The following ITGA5 variants were observed in gnomAD, a reference collection of about 807,000 sequenced individuals.
The protein encoded by ITGA5 is integrin alpha-5.
A neutral mutation model predicts 146.3 loss-of-function variants in ITGA5; 55 were observed. The ratio of observed to expected loss-of-function variants is 0.38; its 90% CI spans 0.30 to 0.47. The LOEUF (loss-of-function observed/expected upper bound fraction) is 0.47, where lower values mean the gene tolerates loss of function less well. Ranked by LOEUF, ITGA5 falls within the 20% of genes least tolerant of loss-of-function variation. The pLI, the probability that ITGA5 is intolerant of heterozygous loss-of-function variation, is 0.99. For missense variants in ITGA5, 1,131 were observed against 1,329.0 expected (o/e 0.85, Z 2.32); for synonymous variants, 500 against 531.8 (o/e 0.94, Z 0.82).
rs770030872 is a variant in ITGA5, at chr12:54,403,659, C to T, written c.1742G>A (p.Arg581Gln). Residue 581 changes from arginine to glutamine, a missense_variant, in exon 17 of 30, where the codon CGA becomes CAA. This residue lies in a region of ITGA5 where 889 missense variants were observed against 1,021.5 expected (regional missense o/e 0.87). Transcript: ENST00000293379. The surrounding 1 kb of genome is among the most constrained non-coding windows in gnomAD (Gnocchi z 4.9). ...TQTLLIQNGAREDCREMKIYL... is the reference protein window; with the variant it reads ...TQTLLIQNGAQEDCREMKIYL... ...GATCTTCATCTCTCTGCAATCCTCT[C>T]GAGCCCCATTCTGGATGAGCAGGGT... is the stretch of plus-strand genomic sequence containing the variant. 35 of 1,613,992 alleles carry T rather than the reference C, an allele frequency of 2.2e-5. 1 individual carries two copies. Among genetic ancestry groups the T allele is most frequent in the African/African-American group, 4.0e-5 (3 of 74,922 alleles).
At chr12:54,412,892 C>T (rs777411336) in intron 1 of ITGA5, among the ~76,000 whole-genome samples, 4 of 152,182 alleles carry the variant, frequency 2.6e-5, no homozygotes, top group Non-Finnish European at 5.9e-5. Flanking sequence ...TATCTGGCAG[C>T]CTGGGCAACT....
At position 54,419,091 on chromosome 12, in the gene ITGA5, T is replaced by TGGC. The variant is rs764642372; in HGVS notation, c.105_107dup (p.Pro37dup). 6.3e-7 allele frequency: 1 copy of TGGC among 1,587,862 alleles called. No homozygotes were observed. The highest frequency in any genetic ancestry group is 1.4e-5 in the African/African-American group (1 of 73,680). On this transcript the variant is annotated inframe_insertion, in exon 1 of 30. Coordinates refer to ENST00000293379, the MANE Select transcript of ITGA5 (RefSeq NM_002205.5). ...CTAAGTTGAAGCCCCCGACCCTGGGTGGCGGCGGCAGCAGCAGCAACAGCA... is the reference window on the plus strand; with the variant it reads ...CTAAGTTGAAGCCCCCGACCCTGGGTGGCGGCGGCGGCAGCAGCAGCAACAGCA...
chr12:54,398,800 G>A, intron 27 of ITGA5, 102 bp from the exon 28 acceptor site: 1 of 631,338 alleles, frequency 1.6e-6, no homozygotes, highest in Non-Finnish European at 2.6e-6. Context: ...CCTATTTTGG[G>A]CTCATTCTTC....
chr12:54,418,883 C>A, intron 1 of ITGA5, 98 bp downstream of exon 1: 1 of 1,401,738 alleles, frequency 7.1e-7, no homozygotes, highest in Non-Finnish European at 9.7e-7. Flanking sequence ...AAACTCCACC[C>A]TCAAACTTAA....
rs1955816236 is a variant in ITGA5, at chr12:54,403,389, A to G, written c.1777-65T>C. 4.8e-6 allele frequency: 7 copies of G among 1,471,078 alleles called. No homozygotes were observed. In the South Asian group the frequency reaches 1.0e-4, roughly 21 times the overall value. 91.1% of individuals were successfully genotyped at this position (1,471,078 alleles called of 1,614,324 possible). A position where few individuals can be genotyped will look rare whatever the true frequency, so the allele number is the denominator to read the frequency against. On this transcript the variant is annotated intron_variant, in intron 17 of 29. Transcript: ENST00000293379. The surrounding 1 kb of genome is among the most constrained non-coding windows in gnomAD (Gnocchi z 4.9). ...TGGAGACTTAGTGGCCCTGCTCCTC[A>G]GCCTCTCTCATCTCCCTTTGTCTGC...
At chr12:54,418,709 C>G (rs998921241) in intron 1 of ITGA5, among the ~76,000 whole-genome samples, 4 of 151,778 alleles carry the variant, frequency 2.6e-5, no homozygotes, top group Non-Finnish European at 5.9e-5. Context: ...GCCCGGAGAC[C>G]CCTGCCCAGA....
Position 54,404,239 on chromosome 12 carries a change from G to C in ITGA5, c.1471C>G (p.Pro491Ala), listed in dbSNP as rs377096524. The change falls in exon 15 of 30, where the codon CCC becomes GCC. Residue 491 changes from proline to alanine, a missense_variant. By Grantham distance (27) the Pro-to-Ala change is conservative. Transcript: ENST00000293379. ...AGGGAGGCACTAGCGGACACGATGGGGCGGCCCCTGCCAAGAGTGAATGTG... is the reference window on the plus strand; with the variant it reads ...AGGGAGGCACTAGCGGACACGATGGCGCGGCCCCTGCCAAGAGTGAATGTG... ...VDKAVVYRGR[P>A]IVSASASLTI... 1 of 1,600,104 alleles carries C rather than the reference G, an allele frequency of 6.2e-7. No homozygotes were observed. The highest frequency in any genetic ancestry group is 8.5e-7 in the Non-Finnish European group (1 of 1,173,066).
At chr12:54,418,944 C>T in intron 1 of ITGA5, 37 bp downstream of exon 1, 3 of 1,607,272 alleles carry the variant, frequency 1.9e-6, no homozygotes, top group Non-Finnish European at 2.5e-6. Flanking sequence ...CAGGCGGCTC[C>T]CCCACCCCCA....
chr12:54,411,811 C>T (rs1282950254), intron 2 of ITGA5, 23 bp downstream of exon 2: 3 of 1,483,080 alleles, frequency 2.0e-6, no homozygotes, highest in African/African-American at 2.9e-5. Context: ...CCCCCAGTCC[C>T]TCCCTGAATT....
At chr12:54,406,801 A>G (rs2120523296) in intron 9 of ITGA5, among the ~76,000 whole-genome samples, 1 of 152,288 alleles carries the variant, frequency 6.6e-6, no homozygotes, top group African/African-American at 2.4e-5. Context: ...CTTTTTAAAA[A>G]TTTAAAATTT....
rs1592290576 is a variant in ITGA5, at chr12:54,409,025, G to A, written c.584-71C>T. On this transcript the variant is annotated intron_variant, in intron 4 of 29. Transcript: ENST00000293379. This position sits in a 1 kb window ranked among gnomAD's most constrained non-coding sequence, Gnocchi z 4.7. Reference sequence around the variant, plus strand: ...CATCCAGGAAAGAAGAGAGGGCATAGGGAAGGAGGTGGGAGAGAGAACCAG... The same window carrying A: ...CATCCAGGAAAGAAGAGAGGGCATAAGGAAGGAGGTGGGAGAGAGAACCAG... 2 of 1,510,032 alleles carry A rather than the reference G, an allele frequency of 1.3e-6. No homozygotes were observed. Among genetic ancestry groups the A allele is most frequent in the Non-Finnish European group, 1.8e-6 (2 of 1,089,598 alleles). The allele number at this position is 1,510,032 out of a possible 1,614,324, so 93.5% of individuals were successfully genotyped here.
chr12:54,418,843 A>G lies in ITGA5; in HGVS notation c.218+138T>C, dbSNP rs542577533. 547 of 946,616 alleles carry G rather than the reference A, an allele frequency of 5.8e-4. 1 individual carries two copies. Among genetic ancestry groups the G allele is most frequent in the Non-Finnish European group, 8.0e-4 (521 of 648,358 alleles). The allele number at this position is 946,616 out of a possible 1,614,324, so 58.6% of individuals were successfully genotyped here. A position where few individuals can be genotyped will look rare whatever the true frequency, so the allele number is the denominator to read the frequency against. On this transcript the variant is annotated intron_variant, in intron 1 of 29. Coordinates refer to ENST00000293379, the MANE Select transcript of ITGA5 (RefSeq NM_002205.5). ...CCAGCGCGGGCCCCCAACTCTAGCC[A>G]GGGCCCCCAACTGCAGCTCTATTCC...
In ITGA5 at chr12:54,409,717, C is replaced by T. The variant is rs1027336944; in HGVS notation, c.350-120G>A. 1.3e-5 allele frequency: 8 copies of T among 629,408 alleles called. No homozygotes were observed. Among genetic ancestry groups the T allele is most frequent in the Middle Eastern group, 4.2e-4 (1 of 2,388 alleles). The allele number at this position is 629,408 out of a possible 1,614,324, so 39.0% of individuals were successfully genotyped here. A position where few individuals can be genotyped will look rare whatever the true frequency, so the allele number is the denominator to read the frequency against. ...TTCCAAGCCCTGAGACTCCATGACT[C>T]GCTGGGAGTGTGGAATTGGTAAGGA... On this transcript the variant is annotated intron_variant, in intron 2 of 29. Coordinates refer to ENST00000293379, the MANE Select transcript of ITGA5 (RefSeq NM_002205.5). This position sits in a 1 kb window ranked among gnomAD's most constrained non-coding sequence, Gnocchi z 4.7.
chr12:54,401,207 TCTC>T lies in ITGA5; in HGVS notation c.2493+163_2493+165del, dbSNP rs878886609. The stretch of plus-strand genomic sequence containing the variant: ...TTCCAAGCCACTCAATTGGCCTGTC[TCTC>T]CTCTGGCTGTTTCTCACAGGACTCT... On this transcript the variant is annotated intron_variant, in intron 24 of 29. Coordinates refer to ENST00000293379, the MANE Select transcript of ITGA5 (RefSeq NM_002205.5). The surrounding 1 kb of genome is among the most constrained non-coding windows in gnomAD (Gnocchi z 5.0). Among the ~76,000 whole-genome samples the T allele has an allele frequency of 2.0e-5, 3 of 152,296 alleles. No individual in the cohort carries two copies. The South Asian group carries it at 6.2e-4, about 32-fold the overall frequency.
rs373692259 is a variant in ITGA5 at position 54,401,766 on chromosome 12, C to T, written c.2306+10G>A. On this transcript the variant is annotated intron_variant, in intron 22 of 29. Coordinates refer to ENST00000293379, the MANE Select transcript of ITGA5 (RefSeq NM_002205.5). The surrounding 1 kb of genome is among the most constrained non-coding windows in gnomAD (Gnocchi z 5.0). ...AGCTCAGCCCCAGCCTAGACACACTCACTCCCTACCTGAGGATCTGGAAGT... is the reference window on the plus strand; with the variant it reads ...AGCTCAGCCCCAGCCTAGACACACTTACTCCCTACCTGAGGATCTGGAAGT... 64 of 1,613,700 alleles carry T rather than the reference C, an allele frequency of 4.0e-5. No individual in the cohort carries two copies. The highest frequency in any genetic ancestry group is 1.2e-4 in the South Asian group (11 of 91,084).
chr12:54,416,456 AT>A lies in ITGA5; in HGVS notation c.218+2524del, dbSNP rs546073877. 6.6e-5 allele frequency among the ~76,000 whole-genome samples: 10 copies of A among 152,356 alleles called. No individual in the cohort carries two copies. In the East Asian group the frequency reaches 1.7e-3, roughly 26 times the overall value. On this transcript the variant is annotated intron_variant, in intron 1 of 29. Transcript: ENST00000293379. This position sits in a 1 kb window ranked among gnomAD's most constrained non-coding sequence, Gnocchi z 4.1. Reference sequence around the variant, plus strand: ...ATTTTTGTTACAATCCAATGGAAAAATCGATATGAAAGTGCTAAAGGAATAT... The same window carrying A: ...ATTTTTGTTACAATCCAATGGAAAAACGATATGAAAGTGCTAAAGGAATAT...
Position 54,401,724 on chromosome 12 carries a change from C to A in ITGA5, c.2306+52G>T. ...TGCAGCCAGTGAGAATGGCGCCCAG[C>A]CCTCCCTTCCGTCCCCAGCTCAGCC... On this transcript the variant is annotated intron_variant, in intron 22 of 29. Coordinates refer to ENST00000293379, the MANE Select transcript of ITGA5 (RefSeq NM_002205.5). This position sits in a 1 kb window ranked among gnomAD's most constrained non-coding sequence, Gnocchi z 5.0. 6.2e-7 allele frequency: 1 copy of A among 1,610,850 alleles called. No individual in the cohort carries two copies. Among genetic ancestry groups the A allele is most frequent in the Non-Finnish European group, 8.5e-7 (1 of 1,177,132 alleles).
Position 54,397,367 on chromosome 12 carries a change from T to C in ITGA5, c.3064A>G (p.Lys1022Glu), listed in dbSNP as rs1237849318. The change falls in exon 29 of 30, where the codon AAG (lysine) becomes GAG (glutamate). Residue 1022 changes from lysine (K) to glutamate (E), a missense_variant and splice_region_variant. Around this residue, in one of 3 missense-constraint regions of ITGA5, gnomAD observed 889 missense variants for 1,021.5 expected, o/e 0.87. Coordinates refer to ENST00000293379, the MANE Select transcript of ITGA5 (RefSeq NM_002205.5). Reference sequence around the variant, plus strand: ...GTCACAAGCAGGATGTGGCTGACCTTGTAGAGGATGTAGATGAGTAGACCT... The same window carrying C: ...GTCACAAGCAGGATGTGGCTGACCTCGTAGAGGATGTAGATGAGTAGACCT... ...LLGLLIYILY[K>E]LGFFKRSLPY... 2.5e-6 allele frequency: 4 copies of C among 1,613,688 alleles called. No homozygotes were observed. In the East Asian group the frequency reaches 6.7e-5, roughly 27 times the overall value.
chr12:54,405,377 G>A lies in ITGA5; in HGVS notation c.1017-3C>T, dbSNP rs764901099. 1.3e-6 allele frequency: 2 copies of A among 1,597,956 alleles called. No homozygotes were observed. The highest frequency in any genetic ancestry group is 2.2e-5 in the South Asian group (2 of 90,208). ...CCCCCACCAGCAAGTCATCCAGCCTGAGGGGAAGGGCAAACCCAGGCATCT... is the reference window on the plus strand; with the variant it reads ...CCCCCACCAGCAAGTCATCCAGCCTAAGGGGAAGGGCAAACCCAGGCATCT... On this transcript the variant is annotated splice_polypyrimidine_tract_variant and splice_region_variant and intron_variant, in intron 11 of 29. Coordinates refer to ENST00000293379, the MANE Select transcript of ITGA5 (RefSeq NM_002205.5).
Sources: gnomAD v4.1 joint callset for allele counts (sites outside exome capture counted in the v4.1 genomes callset) on GRCh38, gnomAD v4.1.1 for gene constraint, gnomAD v4.1.1 regional missense constraint, Gnocchi (gnomAD v3.1) non-coding constraint, MANE v1.5 for transcripts, NCBI Gene and HGNC (gene_info 2026-07-23, HGNC 2026-07-21) for gene names.